STARD13: variants seen among roughly 807,000 people sequenced by gnomAD.
STARD13 encodes the protein stAR-related lipid transfer protein 13.
STARD13 carries 62 observed loss-of-function variants against 106.4 expected under a neutral mutation model. The observed-to-expected ratio is 0.58, with a 90% CI of 0.48 to 0.72. The LOEUF is 0.72. Among genes scored for constraint, STARD13 ranks in the 30% least tolerant of loss-of-function variants. STARD13 has a pLI of 0.00. For missense variants in STARD13, 1,387 were observed against 1,424.0 expected (o/e 0.97, Z 0.42); for synonymous variants, 565 against 553.0 (o/e 1.02, Z -0.31).
At chr13:33,509,093 C>A in the STARD13 span, among the ~76,000 whole-genome samples, 1 of 152,166 alleles carries the variant, frequency 6.6e-6, no homozygotes, top group Non-Finnish European at 1.5e-5. Flanking sequence ...ACTAAAACAT[C>A]ATTATGCAAT....
At chr13:33,642,353 G>C in the STARD13 span, among the ~76,000 whole-genome samples, 30 of 152,214 alleles carry the variant, frequency 2.0e-4, no homozygotes, top group African/African-American at 7.0e-4. Context: ...TAAGAAAGAT[G>C]CTTGAGAAGT....
At chr13:33,639,481 T>C in the STARD13 span, among the ~76,000 whole-genome samples, 2 of 152,172 alleles carry the variant, frequency 1.3e-5, no homozygotes, top group African/African-American at 4.8e-5. Context: ...AAAATAGATA[T>C]GTAAGTCACT....
chr13:33,633,651 A>C, the STARD13 span, among the ~76,000 whole-genome samples: 1 of 152,264 alleles, frequency 6.6e-6, no homozygotes, highest in Admixed American at 6.5e-5. Flanking sequence ...ATGTTTAAAA[A>C]GTAAAAGGCA....
the STARD13 span, among the ~76,000 whole-genome samples, chr13:33,397,579 C>A: frequency 1.3e-5 from 2 of 152,146 alleles, no homozygotes; most frequent in African/African-American, 4.8e-5. Context: ...AGGCCCTTCA[C>A]AGAGTTTGAC....
At chr13:33,301,571 T>TC (rs1566126892) in intron 1 of STARD13, among the ~76,000 whole-genome samples, 2 of 143,820 alleles carry the variant, frequency 1.4e-5, no homozygotes, top group East Asian at 2.0e-4. Context: ...TTTTTTTCTT[T>TC]TTTTTTTTTT....
At chr13:33,610,676 G>T in the STARD13 span, among the ~76,000 whole-genome samples, 2 of 152,246 alleles carry the variant, frequency 1.3e-5, no homozygotes, top group Non-Finnish European at 2.9e-5. Context: ...TATCCTGTGG[G>T]GGCACTCACT....
chr13:33,481,937 C>T, the STARD13 span, among the ~76,000 whole-genome samples: 3 of 149,060 alleles, frequency 2.0e-5, no homozygotes, highest in Non-Finnish European at 4.4e-5. Context: ...GAGCCGAGAT[C>T]GCGCCACTAC....
chr13:33,260,270 C>A (rs189499369), intron 1 of STARD13, among the ~76,000 whole-genome samples: 1 of 152,306 alleles, frequency 6.6e-6, no homozygotes, highest in Non-Finnish European at 1.5e-5. Context: ...TATTCATTTG[C>A]CATAGATTCA....
the STARD13 span, among the ~76,000 whole-genome samples, chr13:33,423,804 T>C: frequency 6.6e-6 from 1 of 152,196 alleles, no homozygotes; most frequent in African/African-American, 2.4e-5. Flanking sequence ...GGGACAGGGA[T>C]GAACCTGGAA....
the STARD13 span, among the ~76,000 whole-genome samples, chr13:33,367,252 TA>T: frequency 1.3e-5 from 2 of 152,120 alleles, no homozygotes; most frequent in East Asian, 1.9e-4. Flanking sequence ...ATGTTAGACA[TA>T]AAAAAAGAAT....
chr13:33,643,802 G>T, the STARD13 span, among the ~76,000 whole-genome samples: 1 of 152,294 alleles, frequency 6.6e-6, no homozygotes, highest in South Asian at 2.1e-4. Context: ...TCCTAACTCA[G>T]ACTACTCTCT....
the STARD13 span, among the ~76,000 whole-genome samples, chr13:33,580,151 G>A: frequency 6.6e-6 from 1 of 152,022 alleles, no homozygotes; most frequent in African/African-American, 2.4e-5. Flanking sequence ...CCAAAACTTG[G>A]AAGCAACTAA....
the STARD13 span, among the ~76,000 whole-genome samples, chr13:33,557,053 C>T: frequency 2.0e-5 from 3 of 152,166 alleles, no homozygotes; most frequent in African/African-American, 7.2e-5. Flanking sequence ...ATCATTCCAC[C>T]TCTCATTCAA....
At chr13:33,316,550 A>AAATCG (rs1893347086) in intron 1 of STARD13, among the ~76,000 whole-genome samples, 2 of 152,178 alleles carry the variant, frequency 1.3e-5, no homozygotes, top group South Asian at 4.1e-4. Context: ...TCTATTTTAT[A>AAATCG]AATGTGGGAA....
the STARD13 span, among the ~76,000 whole-genome samples, chr13:33,424,464 T>G: frequency 6.6e-6 from 1 of 152,182 alleles, no homozygotes; most frequent in Admixed American, 6.5e-5. Context: ...CTGCGCACAT[T>G]ATTGCCCTCT....
At chr13:33,565,147 C>T in the STARD13 span, among the ~76,000 whole-genome samples, 5 of 146,918 alleles carry the variant, frequency 3.4e-5, 1 homozygote, top group East Asian at 1.0e-3. Context: ...TGCAGGTTCT[C>T]ACTTATATAT....
At chr13:33,248,013 C>A (rs964618167) in intron 1 of STARD13, among the ~76,000 whole-genome samples, 1 of 152,192 alleles carries the variant, frequency 6.6e-6, no homozygotes, top group African/African-American at 2.4e-5. Flanking sequence ...CTCAATGAGG[C>A]TAAAAATATT....
chr13:33,252,618 A>G (rs778410078), intron 1 of STARD13, among the ~76,000 whole-genome samples: 4 of 152,218 alleles, frequency 2.6e-5, no homozygotes, highest in Non-Finnish European at 4.4e-5. Context: ...GTCACTATCA[A>G]TAGTATTGAC....
At chr13:33,526,722 A>G in the STARD13 span, among the ~76,000 whole-genome samples, 1 of 96,396 alleles carries the variant, frequency 1.0e-5, no homozygotes, top group Non-Finnish European at 1.8e-5. Context: ...TCTGGACTGT[A>G]AGGACTGTAA....
Sources: allele counts gnomAD v4.1 joint callset (sites outside exome capture counted in the v4.1 genomes callset), GRCh38; gene constraint gnomAD v4.1.1; transcripts MANE v1.5; gene names NCBI Gene and HGNC (gene_info 2026-07-23, HGNC 2026-07-21).